Variants in CEP85L observed in about 807,000 individuals in gnomAD.
The protein encoded by CEP85L is centrosomal protein 85L.
Under a neutral mutation model 100.3 loss-of-function variants are expected in CEP85L, and 60 were observed. The ratio of observed to expected loss-of-function variants is 0.60; its 90% confidence interval spans 0.49 to 0.74. The LOEUF is 0.74. Among genes scored for constraint, CEP85L ranks in the 30% least tolerant of loss-of-function variants. The probability of loss-of-function intolerance (pLI) is 0.00; values close to 1 mark genes in which losing one functional copy is unlikely to be tolerated. For missense variants in CEP85L, 973 were observed against 936.2 expected (o/e 1.04, Z -0.51); for synonymous variants, 319 against 322.7 (o/e 0.99, Z 0.12).
chr6:118,705,099 C>T (rs1350669005), intron 1 of CEP85L, among the ~76,000 whole-genome samples: 1 of 152,054 alleles, frequency 6.6e-6, no homozygotes. Flanking sequence ...GAACATCAGC[C>T]GGAAGCTTCC....
chr6:118,583,508 G>A (rs1001549372), intron 2 of CEP85L, among the ~76,000 whole-genome samples: 2 of 152,100 alleles, frequency 1.3e-5, no homozygotes, highest in Non-Finnish European at 2.9e-5. Context: ...TAGCTTGCAT[G>A]GGGGCCTGCA....
At chr6:118,623,869 C>G (rs1321793964) in intron 2 of CEP85L, among the ~76,000 whole-genome samples, 2 of 152,216 alleles carry the variant, frequency 1.3e-5, no homozygotes, top group African/African-American at 4.8e-5. Flanking sequence ...ACCAGAAGAT[C>G]TAGTAGTGGT....
chr6:118,692,917 G>GCA (rs1280771728), intron 1 of CEP85L, among the ~76,000 whole-genome samples: 6 of 152,178 alleles, frequency 3.9e-5, no homozygotes, highest in Non-Finnish European at 1.5e-5. Context: ...AGCATGCCCA[G>GCA]CACATAGTAG....
chr6:118,609,785 G>A (rs777162230), intron 2 of CEP85L, among the ~76,000 whole-genome samples: 1 of 151,990 alleles, frequency 6.6e-6, no homozygotes, highest in Non-Finnish European at 1.5e-5. Flanking sequence ...AAAAACGTAG[G>A]TGGAAACAGA....
intron 1 of CEP85L, among the ~76,000 whole-genome samples, chr6:118,659,095 A>G (rs1775887512): frequency 6.6e-6 from 1 of 152,212 alleles, no homozygotes; most frequent in African/African-American, 2.4e-5. Context: ...TACTTTCATT[A>G]TAGTAATTGA....
chr6:118,513,730 AC>A (rs35691185), intron 4 of CEP85L, among the ~76,000 whole-genome samples: 1 of 152,078 alleles, frequency 6.6e-6, no homozygotes, highest in African/African-American at 2.4e-5. Context: ...AGAATTGATC[AC>A]CCCAGACTTC....
At chr6:118,700,260 A>T (rs1777366530) in intron 1 of CEP85L, among the ~76,000 whole-genome samples, 1 of 152,212 alleles carries the variant, frequency 6.6e-6, no homozygotes, top group Non-Finnish European at 1.5e-5. Flanking sequence ...CGTGTAGTTC[A>T]CATGTGATAA....
chr6:118,524,909 G>A (rs1022451181), intron 3 of CEP85L, among the ~76,000 whole-genome samples: 1 of 152,164 alleles, frequency 6.6e-6, no homozygotes, highest in African/African-American at 2.4e-5. Context: ...TGCCTTATGC[G>A]GGGGAGGAGC....
intron 2 of CEP85L, among the ~76,000 whole-genome samples, chr6:118,609,402 GTATT>G (rs1244077579): frequency 6.6e-6 from 1 of 152,078 alleles, no homozygotes; most frequent in Non-Finnish European, 1.5e-5. Flanking sequence ...TTGTAAATGT[GTATT>G]TATTACCTTT....
intron 1 of CEP85L, among the ~76,000 whole-genome samples, chr6:118,647,722 T>C (rs1206485374): frequency 3.3e-5 from 5 of 152,204 alleles, no homozygotes; most frequent in African/African-American, 1.2e-4. Context: ...AACTAGGTAT[T>C]AGGAAGTACT....
intron 5 of CEP85L, chr6:118,501,427 G>A (rs1482487589): frequency 2.6e-6 from 1 of 379,762 alleles, no homozygotes; most frequent in Non-Finnish European, 5.0e-6. Context: ...TGGGGCCTGA[G>A]AACATGAATC....
intron 1 of CEP85L, among the ~76,000 whole-genome samples, chr6:118,672,803 G>A (rs542369590): frequency 6.6e-6 from 1 of 151,930 alleles, no homozygotes; most frequent in African/African-American, 2.4e-5. Context: ...GGAGGAAGGA[G>A]GAGGAAGGAG....
chr6:118,650,696 C>T (rs1295453173), intron 1 of CEP85L, among the ~76,000 whole-genome samples: 1 of 152,166 alleles, frequency 6.6e-6, no homozygotes, highest in Non-Finnish European at 1.5e-5. Flanking sequence ...CTAAAAGTAG[C>T]GGCTGCGGGC....
chr6:118,488,479 C>T (rs987332413), intron 6 of CEP85L, among the ~76,000 whole-genome samples: 3 of 151,530 alleles, frequency 2.0e-5, no homozygotes, highest in African/African-American at 7.3e-5. Flanking sequence ...TGGAAATTAT[C>T]AAGTCAGAGT....
intron 1 of CEP85L, among the ~76,000 whole-genome samples, chr6:118,684,014 CTTTG>C (rs1220485685): frequency 2.0e-5 from 3 of 152,138 alleles, no homozygotes; most frequent in Non-Finnish European, 4.4e-5. Context: ...AATATTTTCT[CTTTG>C]TTTGGTTTTC....
At chr6:118,517,419 T>C (rs1776345135) in intron 4 of CEP85L, among the ~76,000 whole-genome samples, 1 of 152,238 alleles carries the variant, frequency 6.6e-6, no homozygotes, top group Admixed American at 6.5e-5. Flanking sequence ...CTTATTGCCT[T>C]GAGCAGTGGT....
At chr6:118,693,591 G>T (rs550956161) in intron 1 of CEP85L, among the ~76,000 whole-genome samples, 1 of 152,292 alleles carries the variant, frequency 6.6e-6, no homozygotes, top group African/African-American at 2.4e-5. Flanking sequence ...GGCAGAAAAA[G>T]GATTTATTGA....
chr6:118,567,247 GTGTATATATATATA>G (rs1779597412), intron 2 of CEP85L, among the ~76,000 whole-genome samples: 1 of 31,910 alleles, frequency 3.1e-5, no homozygotes, highest in South Asian at 8.6e-4. Flanking sequence ...GTGTGTGTGT[GTGTATATATATATA>G]TATATATATA....
chr6:118,560,245 A>T (rs1779144366), intron 3 of CEP85L: 1 of 167,082 alleles, frequency 6.0e-6, no homozygotes, highest in African/African-American at 2.4e-5. Flanking sequence ...ACTACCTAAT[A>T]GCCTACTATT....
Sources: gnomAD v4.1 joint callset for allele counts (sites outside exome capture counted in the v4.1 genomes callset) on GRCh38, gnomAD v4.1.1 for gene constraint, MANE v1.5 for transcripts, NCBI Gene and HGNC (gene_info 2026-07-23, HGNC 2026-07-21) for gene names.